SUGCT: variants seen among roughly 807,000 people sequenced by gnomAD.
SUGCT encodes succinyl-CoA:glutarate CoA-transferase.
In SUGCT, 41 loss-of-function variants were observed where a neutral mutation model predicts 55.0. That is an observed-to-expected ratio of 0.74 (90% CI 0.58 to 0.97). The LOEUF is 0.97. SUGCT is among the 50% of genes least tolerant of loss of function. SUGCT has a pLI of 0.00. For synonymous variants in SUGCT, 187 were observed against 200.4 expected, an observed-to-expected ratio of 0.93 and a Z score of 0.56; for missense variants, 568 against 547.8, an observed-to-expected ratio of 1.04 and a Z score of -0.37.
chr7:40,343,841 A>T (rs1045728936), intron 9 of SUGCT, among the ~76,000 whole-genome samples: 1 of 152,090 alleles, frequency 6.6e-6, no homozygotes, highest in Non-Finnish European at 1.5e-5. Flanking sequence ...TATTTTTAGT[A>T]GAGACAGGGT....
intron 12 of SUGCT, among the ~76,000 whole-genome samples, chr7:40,736,975 T>G (rs1049011924): frequency 1.1e-4 from 17 of 152,104 alleles, no homozygotes; most frequent in African/African-American, 4.1e-4. Flanking sequence ...AAATCATTGA[T>G]TTTGAAAAAC....
intron 1 of SUGCT, among the ~76,000 whole-genome samples, chr7:40,140,457 G>A (rs984769371): frequency 1.3e-5 from 2 of 152,090 alleles, no homozygotes; most frequent in South Asian, 2.1e-4. Flanking sequence ...CTGGAGTGCA[G>A]TTGTGCAATC....
intron 6 of SUGCT, among the ~76,000 whole-genome samples, chr7:40,198,570 G>T (rs991112110): frequency 3.9e-5 from 6 of 152,174 alleles, no homozygotes; most frequent in Non-Finnish European, 8.8e-5. Context: ...TTTAAAATTT[G>T]ATTTTCTTGG....
At chr7:40,703,631 A>G (rs888620224) in intron 12 of SUGCT, among the ~76,000 whole-genome samples, 1 of 152,218 alleles carries the variant, frequency 6.6e-6, no homozygotes, top group African/African-American at 2.4e-5. Context: ...TTTAAGAGCT[A>G]GCAATAAATC....
the SUGCT span, among the ~76,000 whole-genome samples, chr7:40,955,439 G>T: frequency 6.6e-6 from 1 of 152,130 alleles, no homozygotes; most frequent in Non-Finnish European, 1.5e-5. Context: ...CTGTTTTTCT[G>T]TTGTTGGTGT....
At chr7:40,661,561 T>G (rs1801301064) in intron 12 of SUGCT, among the ~76,000 whole-genome samples, 2 of 152,154 alleles carry the variant, frequency 1.3e-5, no homozygotes, top group African/African-American at 4.8e-5. Context: ...ATTCACTAAT[T>G]CACAAATTCA....
chr7:40,642,346 T>TTCA (rs1800305185), intron 12 of SUGCT, among the ~76,000 whole-genome samples: 2 of 152,232 alleles, frequency 1.3e-5, no homozygotes, highest in African/African-American at 2.4e-5. Context: ...AAAGTTCTTC[T>TTCA]GTATTCTGTA....
chr7:40,915,865 A>G, the SUGCT span, among the ~76,000 whole-genome samples: 3 of 152,118 alleles, frequency 2.0e-5, no homozygotes, highest in Admixed American at 6.5e-5. Flanking sequence ...TTCCCATCGC[A>G]CCCTGTTTTT....
At chr7:40,973,646 G>C in the SUGCT span, among the ~76,000 whole-genome samples, 12 of 152,354 alleles carry the variant, frequency 7.9e-5, no homozygotes, top group African/African-American at 2.9e-4. Context: ...GCAGTGGCTA[G>C]AGCCAGTGGG....
At chr7:40,178,742 A>G (rs1293015697) in intron 1 of SUGCT, among the ~76,000 whole-genome samples, 2 of 152,080 alleles carry the variant, frequency 1.3e-5, no homozygotes, top group African/African-American at 4.8e-5. Flanking sequence ...TTTAAAATCC[A>G]TTATACTGGG....
intron 9 of SUGCT, among the ~76,000 whole-genome samples, 157 bp downstream of exon 9, chr7:40,317,012 T>C (rs1439909493): frequency 1.3e-5 from 2 of 148,834 alleles, no homozygotes; most frequent in Admixed American, 1.4e-4. Context: ...GGTTCTGTTG[T>C]TCACTTTAAG....
At chr7:40,897,987 C>T in the SUGCT span, among the ~76,000 whole-genome samples, 1 of 152,168 alleles carries the variant, frequency 6.6e-6, no homozygotes, top group African/African-American at 2.4e-5. Context: ...CAACAGTGGC[C>T]ACCCGCTCAG....
chr7:40,442,155 G>A (rs932605253), intron 9 of SUGCT, among the ~76,000 whole-genome samples: 1 of 152,092 alleles, frequency 6.6e-6, no homozygotes, highest in African/African-American at 2.4e-5. Flanking sequence ...AACTATGCTG[G>A]TTATCATTTC....
At chr7:40,839,110 C>A (rs1035221094) in intron 13 of SUGCT, among the ~76,000 whole-genome samples, 7 of 152,082 alleles carry the variant, frequency 4.6e-5, no homozygotes, top group Non-Finnish European at 1.0e-4. Flanking sequence ...ATAAATTCTA[C>A]TTGTTCATGG....
At chr7:40,875,761 T>G in the SUGCT span, among the ~76,000 whole-genome samples, 1 of 152,226 alleles carries the variant, frequency 6.6e-6, no homozygotes, top group Non-Finnish European at 1.5e-5. Context: ...AAGATGAGTC[T>G]GTGCCAGGCT....
At chr7:40,432,445 T>C (rs1787939577) in intron 9 of SUGCT, among the ~76,000 whole-genome samples, 1 of 152,092 alleles carries the variant, frequency 6.6e-6, no homozygotes, top group Non-Finnish European at 1.5e-5. Context: ...CCCAGCACTT[T>C]GGGAGGCCGA....
chr7:40,975,505 C>G, the SUGCT span, among the ~76,000 whole-genome samples: 5 of 152,184 alleles, frequency 3.3e-5, no homozygotes, highest in Non-Finnish European at 4.4e-5. Flanking sequence ...ATTTTCTTTT[C>G]TGTATATGAT....
At chr7:41,032,565 G>A in the SUGCT span, among the ~76,000 whole-genome samples, 4 of 152,098 alleles carry the variant, frequency 2.6e-5, no homozygotes, top group African/African-American at 7.2e-5. Flanking sequence ...CCAGAAAGAC[G>A]GAAAGAGCCT....
At chr7:40,461,756 C>T (rs1789817708) in intron 11 of SUGCT, among the ~76,000 whole-genome samples, 1 of 152,140 alleles carries the variant, frequency 6.6e-6, no homozygotes, top group Non-Finnish European at 1.5e-5. Flanking sequence ...TACATTAGCT[C>T]ATAGCCACAA....
Sources: gnomAD v4.1 joint callset for allele counts (sites outside exome capture counted in the v4.1 genomes callset) on GRCh38, gnomAD v4.1.1 for gene constraint, MANE v1.5 for transcripts, NCBI Gene and HGNC (gene_info 2026-07-23, HGNC 2026-07-21) for gene names.